WDR37: variants seen among roughly 807,000 people sequenced by gnomAD.
WDR37 encodes WD repeat domain 37.
A neutral mutation model predicts 62.9 loss-of-function variants in WDR37; 19 were observed. The ratio of observed to expected loss-of-function variants is 0.30; its 90% CI spans 0.21 to 0.44. The LOEUF (loss-of-function observed/expected upper bound fraction) is 0.44. Ranked by LOEUF, WDR37 falls within the 20% of genes least tolerant of loss-of-function variation. The pLI is 1.00. For synonymous variants in WDR37, 250 were observed against 260.9 expected, an observed-to-expected ratio of 0.96 and a Z score of 0.40; for missense variants, 474 against 657.6, an observed-to-expected ratio of 0.72 and a Z score of 3.05.
At chr10:1,101,048 A>AGCC (rs1834779800) in intron 9 of WDR37, among the ~76,000 whole-genome samples, 1 of 152,066 alleles carries the variant, frequency 6.6e-6, no homozygotes, top group Non-Finnish European at 1.5e-5. Context: ...GAACGCCTGT[A>AGCC]TTGTTCTCTT....
intron 2 of WDR37, among the ~76,000 whole-genome samples, chr10:1,077,530 T>A (rs1052310128): frequency 2.6e-5 from 4 of 152,182 alleles, no homozygotes; most frequent in Admixed American, 6.5e-5. Flanking sequence ...AAAATACTTG[T>A]AGGATAGCGT....
At position 1,072,120 on chromosome 10, in the gene WDR37, T is replaced by C. The variant is rs1039319558; in HGVS notation, c.-36T>C. 2 of 1,611,406 alleles carry C rather than the reference T, an allele frequency of 1.2e-6. No homozygotes were observed. The highest frequency in any genetic ancestry group is 1.7e-6 in the Non-Finnish European group (2 of 1,178,774). The stretch of plus-strand genomic sequence containing the variant: ...GTTTTTTCTTGCTGTTTTTAGCTTA[T>C]TGCAGGAGTGACCAGGACACTACCT... On this transcript the variant is annotated 5_prime_UTR_variant, in exon 2 of 14. Transcript: ENST00000263150.
chr10:1,100,321 TAAG>T (rs1157636682), intron 9 of WDR37, among the ~76,000 whole-genome samples: 1 of 152,134 alleles, frequency 6.6e-6, no homozygotes, highest in Non-Finnish European at 1.5e-5. Context: ...CCCTCCCTAA[TAAG>T]GAGGAGGCAG....
intron 10 of WDR37, 131 bp from the exon 11 acceptor site, chr10:1,104,995 G>C: frequency 3.5e-6 from 4 of 1,130,146 alleles, no homozygotes; most frequent in Non-Finnish European, 4.9e-6. Context: ...CCCACATGCT[G>C]CTGAGTGATT....
At chr10:1,085,649 T>G (rs895014329) in intron 6 of WDR37, among the ~76,000 whole-genome samples, 2 of 152,232 alleles carry the variant, frequency 1.3e-5, no homozygotes, top group African/African-American at 4.8e-5. Flanking sequence ...GAAGTGAATG[T>G]GATAAACCAT....
intron 1 of WDR37, among the ~76,000 whole-genome samples, chr10:1,067,751 G>A (rs1427502777): frequency 6.6e-6 from 1 of 152,144 alleles, no homozygotes; most frequent in Non-Finnish European, 1.5e-5. Flanking sequence ...TAGTGACAAA[G>A]GGATGCCTGC....
At chr10:1,126,754 C>T (rs1029972918) in intron 13 of WDR37, among the ~76,000 whole-genome samples, 6 of 152,238 alleles carry the variant, frequency 3.9e-5, no homozygotes, top group Admixed American at 3.3e-4. Flanking sequence ...GGGGTTCTCT[C>T]AGCGCAGCAA....
rs1241299155 is a variant in WDR37 at position 1,076,857 on chromosome 10, A to G, written c.139-1050A>G. ...GGAGATTGACACCATCCTGGCCAGC[A>G]TGTGTGGTGGCGCACGCCTATAGTC... On this transcript the variant is annotated intron_variant, in intron 2 of 13. Transcript: ENST00000263150. Among the ~76,000 whole-genome samples, 3 of 146,630 alleles carry G rather than the reference A, an allele frequency of 2.0e-5. No individual in the cohort carries two copies. In the Admixed American group the frequency reaches 2.1e-4, roughly 10 times the overall value.
Position 1,083,564 on chromosome 10 carries a change from T to C in WDR37, c.397-839T>C, listed in dbSNP as rs917484136. On this transcript the variant is annotated intron_variant, in intron 5 of 13. Transcript: ENST00000263150. ...ACATTATTCTGATTTACTTAACAGCTGGACAGCTGTTTTCTTACCAAAGAA... is the reference window on the plus strand; with the variant it reads ...ACATTATTCTGATTTACTTAACAGCCGGACAGCTGTTTTCTTACCAAAGAA... 3.9e-5 allele frequency among the ~76,000 whole-genome samples: 6 copies of C among 152,270 alleles called. No individual in the cohort carries two copies. The East Asian group carries it at 5.8e-4, about 15-fold the overall frequency.
intron 11 of WDR37, among the ~76,000 whole-genome samples, chr10:1,107,742 A>G (rs2127602): frequency 0.99 from 149,107 of 150,664 alleles, 73,791 homozygotes; most frequent in Non-Finnish European, 1. Flanking sequence ...TGTACACACC[A>G]CTGTCTGTAA....
chr10:1,074,395 G>T (rs1195483459), intron 2 of WDR37: 1 of 1,298,576 alleles, frequency 7.7e-7, no homozygotes, highest in Admixed American at 2.3e-5. Flanking sequence ...TCTCCAAGCC[G>T]CACGGCCTCG....
chr10:1,119,420 A>T (rs1353026810), intron 11 of WDR37, among the ~76,000 whole-genome samples: 2 of 152,184 alleles, frequency 1.3e-5, no homozygotes, highest in African/African-American at 4.8e-5. Flanking sequence ...TTTTGGCCGG[A>T]TGAGGTGGTC....
In WDR37 at chr10:1,062,005, C is replaced by T. The variant is rs568229806; in HGVS notation, c.-41+5037C>T. On this transcript the variant is annotated intron_variant, in intron 1 of 13. Transcript: ENST00000263150. ...ATTCTGAAACACTTCTGGTCTTGAG[C>T]TTTTTTTTTTTTGGGGGGGCCAAGG... 4.9e-5 allele frequency among the ~76,000 whole-genome samples: 7 copies of T among 144,230 alleles called. No homozygotes were observed. In the South Asian group the frequency reaches 1.6e-3, roughly 32 times the overall value. The allele number at this position is 144,230 out of a possible 152,430, so 94.6% of individuals were successfully genotyped here. A position where few individuals can be genotyped will look rare whatever the true frequency, so the allele number is the denominator to read the frequency against.
At chr10:1,093,742 C>G (rs1224120115) in intron 8 of WDR37, among the ~76,000 whole-genome samples, 2 of 152,200 alleles carry the variant, frequency 1.3e-5, no homozygotes, top group Non-Finnish European at 2.9e-5. Flanking sequence ...TTCTCGAAGC[C>G]TTTCCGTACA....
intron 13 of WDR37, among the ~76,000 whole-genome samples, chr10:1,125,592 C>T (rs756647368): frequency 5.3e-5 from 8 of 152,274 alleles, no homozygotes; most frequent in South Asian, 2.1e-4. Context: ...GCATGCGGAA[C>T]GAGCTCTTTG....
At chr10:1,120,480 T>C (rs1449945114) in intron 11 of WDR37, among the ~76,000 whole-genome samples, 2 of 152,246 alleles carry the variant, frequency 1.3e-5, no homozygotes, top group African/African-American at 2.4e-5. Flanking sequence ...GTTGTACTTT[T>C]GTATCAGCGC....
chr10:1,116,836 C>T lies in WDR37; in HGVS notation c.1104-7382C>T, dbSNP rs117859365. On this transcript the variant is annotated intron_variant, in intron 11 of 13. Transcript: ENST00000263150. ...TTTTGTCTTGTGACCACAGAAACTG[C>T]CAAGGAGACGTTAGCAGATACAGTG... Among the ~76,000 whole-genome samples, 15 of 151,904 alleles carry T rather than the reference C, an allele frequency of 9.9e-5. No individual in the cohort carries two copies. The East Asian group carries it at 2.5e-3, about 25-fold the overall frequency.
rs74120430 is a variant in WDR37, at chr10:1,079,909, C to T, written c.236-102C>T. ...ATTATTCATGTCTTTGTTTATATAA[C>T]ACTAATATATAGCATTTTTTCTGTG... is the stretch of plus-strand genomic sequence containing the variant. On this transcript the variant is annotated intron_variant, in intron 3 of 13. Coordinates refer to ENST00000263150, the MANE Select transcript of WDR37 (RefSeq NM_014023.4). 1,186 of 838,710 alleles carry T rather than the reference C, an allele frequency of 1.4e-3. 11 individuals carry two copies. In the African/African-American group the frequency reaches 0.018, roughly 13 times the overall value. 52.0% of individuals were successfully genotyped at this position (838,710 alleles called of 1,614,324 possible). A position where few individuals can be genotyped will look rare whatever the true frequency, so the allele number is the denominator to read the frequency against.
chr10:1,121,723 G>T lies in WDR37; in HGVS notation c.1104-2495G>T, dbSNP rs140400055. On this transcript the variant is annotated intron_variant, in intron 11 of 13. Coordinates refer to ENST00000263150, the MANE Select transcript of WDR37 (RefSeq NM_014023.4). The surrounding 1 kb of genome is among the most constrained non-coding windows in gnomAD (Gnocchi z 4.5). ...GGCGGCTGCTACATCCACAGGCCAGGATGCTGCACCACAGGGAAGGGCCCC... is the reference window on the plus strand; with the variant it reads ...GGCGGCTGCTACATCCACAGGCCAGTATGCTGCACCACAGGGAAGGGCCCC... Among the ~76,000 whole-genome samples, 2 of 152,316 alleles carry T rather than the reference G, an allele frequency of 1.3e-5. No homozygotes were observed. Among genetic ancestry groups the T allele is most frequent in the African/African-American group, 4.8e-5 (2 of 41,566 alleles).
Sources: allele counts gnomAD v4.1 joint callset (sites outside exome capture counted in the v4.1 genomes callset), GRCh38; gene constraint gnomAD v4.1.1; non-coding constraint Gnocchi (gnomAD v3.1); transcripts MANE v1.5; gene names NCBI Gene and HGNC (gene_info 2026-07-23, HGNC 2026-07-21).